TMEM19: variants seen among roughly 807,000 people sequenced by gnomAD.
The protein encoded by TMEM19 is transmembrane protein 19.
A neutral mutation model predicts 33.6 loss-of-function variants in TMEM19; 21 were observed. That is an observed-to-expected ratio of 0.62 (90% CI 0.44 to 0.90). TMEM19 has a LOEUF of 0.90. Ranked by LOEUF, TMEM19 falls within the 40% of genes least tolerant of loss-of-function variation. TMEM19 has a pLI of 0.00. For missense variants in TMEM19, 402 were observed against 401.8 expected, an observed-to-expected ratio of 1.00 and a Z score of 0.00; for synonymous variants, 149 against 147.5, an observed-to-expected ratio of 1.01 and a Z score of -0.07.
chr12:71,695,573 A>G (rs769498268), intron 2 of TMEM19, among the ~76,000 whole-genome samples: 1 of 152,178 alleles, frequency 6.6e-6, no homozygotes, highest in Non-Finnish European at 1.5e-5. Flanking sequence ...TATCATTATT[A>G]TTGTTGAGCT....
At chr12:71,698,054 T>A (rs1881906151) in intron 4 of TMEM19, among the ~76,000 whole-genome samples, 1 of 152,218 alleles carries the variant, frequency 6.6e-6, no homozygotes, top group African/African-American at 2.4e-5. Context: ...CTGTTAAGTC[T>A]ATATAATGCA....
chr12:71,695,617 CATG>C (rs1419389790), intron 2 of TMEM19, among the ~76,000 whole-genome samples: 1 of 152,032 alleles, frequency 6.6e-6, no homozygotes, highest in Admixed American at 6.5e-5. Flanking sequence ...TATTAGTATC[CATG>C]ATATTAGGTA....
chr12:71,692,678 A>G (rs528547291), intron 2 of TMEM19, among the ~76,000 whole-genome samples: 1 of 152,284 alleles, frequency 6.6e-6, no homozygotes, highest in East Asian at 1.9e-4. Flanking sequence ...TCCTAGTGCT[A>G]TAACATGCCA....
intron 2 of TMEM19, among the ~76,000 whole-genome samples, chr12:71,691,543 A>G (rs893190540): frequency 2.7e-5 from 4 of 145,936 alleles, no homozygotes; most frequent in Non-Finnish European, 6.0e-5. Context: ...CCAAGGCAGA[A>G]GGATCACTCG....
chr12:71,693,388 T>C (rs568720790), intron 2 of TMEM19, among the ~76,000 whole-genome samples: 2 of 152,112 alleles, frequency 1.3e-5, no homozygotes, highest in Admixed American at 1.3e-4. Flanking sequence ...ACTTTTTGTT[T>C]CCTTAAGGAT....
chr12:71,693,496 T>C (rs1455599479), intron 2 of TMEM19, among the ~76,000 whole-genome samples: 1 of 152,216 alleles, frequency 6.6e-6, no homozygotes, highest in African/African-American at 2.4e-5. Context: ...GTGTTGTACT[T>C]GTCCTGTCTA....
In TMEM19 at chr12:71,700,941, T is replaced by C. The variant is rs1282689645; in HGVS notation, c.957T>C (p.Val319=). ...ACGCAGTGAATCTGTTTTCTTCTGT[T>C]CTTATTGCCCTCTTGCTCCCAACTG... is the stretch of plus-strand genomic sequence containing the variant. ...DNNAVNLFSS[V]LIALLLPTAA... The change falls in exon 6 of 6, where the codon GTT becomes GTC. Residue 319 remains valine, a synonymous_variant. Coordinates refer to ENST00000266673, the MANE Select transcript of TMEM19 (RefSeq NM_018279.4). 5.6e-6 allele frequency: 9 copies of C among 1,613,532 alleles called. No individual in the cohort carries two copies. The highest frequency in any genetic ancestry group is 6.8e-6 in the Non-Finnish European group (8 of 1,179,802).
In TMEM19 at chr12:71,705,004, A is replaced by C. The variant is rs370805310; in HGVS notation, c.*4009A>C. The C allele has an allele frequency of 6.0e-4, 91 of 152,348 alleles. No individual in the cohort carries two copies. The highest frequency in any genetic ancestry group is 1.7e-3 in the African/African-American group (72 of 41,588). 9.4% of individuals were successfully genotyped at this position (152,348 alleles called of 1,614,324 possible). ...CTTTTAAGAATGACTGGAAGGTGAT[A>C]ATCAGCACCATATTCCTGGAGGAAA... is the stretch of plus-strand genomic sequence containing the variant. On this transcript the variant is annotated 3_prime_UTR_variant, in exon 6 of 6. Transcript: ENST00000266673.
At position 71,703,833 on chromosome 12, in the gene TMEM19, A is replaced by T. The variant is rs1374157343; in HGVS notation, c.*2838A>T. 3.9e-6 allele frequency: 1 copy of T among 257,494 alleles called. No homozygotes were observed. The highest frequency in any genetic ancestry group is 2.2e-5 in the African/African-American group (1 of 44,578). 16.0% of individuals were successfully genotyped at this position (257,494 alleles called of 1,614,324 possible). The stretch of plus-strand genomic sequence containing the variant: ...AAGCTTTGTAAATAAACTGGTTTTC[A>T]TAGCTTTTTGGAGATGAGAATTGAG... On this transcript the variant is annotated 3_prime_UTR_variant, in exon 6 of 6. Transcript: ENST00000266673.
chr12:71,704,163 C>A lies in TMEM19; in HGVS notation c.*3168C>A. The A allele has an allele frequency of 4.4e-6, 1 of 227,250 alleles. No homozygotes were observed. Among genetic ancestry groups the A allele is most frequent in the Non-Finnish European group, 9.4e-6 (1 of 106,006 alleles). 14.1% of individuals were successfully genotyped at this position (227,250 alleles called of 1,614,324 possible). ...ACTTGCAGGAGTAGCATGTTGAAAA[C>A]TCATTAAATGGAGCCACCAAGAGAC... On this transcript the variant is annotated 3_prime_UTR_variant, in exon 6 of 6. Coordinates refer to ENST00000266673, the MANE Select transcript of TMEM19 (RefSeq NM_018279.4).
intron 4 of TMEM19, 28 bp from the exon 5 acceptor site, chr12:71,698,872 G>A (rs749524172): frequency 5.6e-6 from 9 of 1,607,582 alleles, no homozygotes; most frequent in Non-Finnish European, 1.7e-6. Context: ...TTATTAACCG[G>A]ATGATTTTCT....
In TMEM19 at chr12:71,698,920, G is replaced by C; in HGVS notation, c.658G>C (p.Val220Leu). Residue 220 changes from valine (V) to leucine (L), a missense_variant, in exon 5 of 6, where the codon GTG (valine) becomes CTG (leucine). Transcript: ENST00000266673. ...TTCAGGTACCAATGGAGGAGTTACAGTGGTGGGCCTTGTCTCCAGTCTCCT... is the reference window on the plus strand; with the variant it reads ...TTCAGGTACCAATGGAGGAGTTACACTGGTGGGCCTTGTCTCCAGTCTCCT... ...VPVGTNGGVT[V>L]VGLVSSLLGG... is the part of the protein sequence containing the mutation. 1 of 1,614,182 alleles carries C rather than the reference G, an allele frequency of 6.2e-7. No individual in the cohort carries two copies. Among genetic ancestry groups the C allele is most frequent in the Non-Finnish European group, 8.5e-7 (1 of 1,180,028 alleles).
intron 2 of TMEM19, among the ~76,000 whole-genome samples, chr12:71,692,195 C>T (rs1881797418): frequency 6.6e-6 from 1 of 152,204 alleles, no homozygotes; most frequent in South Asian, 2.1e-4. Context: ...TATTTTTATA[C>T]GTGAATGACT....
At chr12:71,694,376 T>C (rs527628867) in intron 2 of TMEM19, among the ~76,000 whole-genome samples, 1 of 152,312 alleles carries the variant, frequency 6.6e-6, no homozygotes, top group South Asian at 2.1e-4. Flanking sequence ...CTGACCTCTT[T>C]TTGGTCACTA....
rs776229168 is a variant in TMEM19 at position 71,696,514 on chromosome 12, C to G, written c.323C>G (p.Ser108Trp). ...TSLLMFFLSSSKLTKWKGEVK... is the reference protein window; with the variant it reads ...TSLLMFFLSSWKLTKWKGEVK... ...TTGCTGATGTTTTTCTTGTCTTCTT[C>G]GAAACTCACTAAATGGAAGGGAGAA... Residue 108 changes from serine to tryptophan, a missense_variant, in exon 3 of 6, where the codon TCG becomes TGG. Ser to Trp is a radical substitution (Grantham distance 177). Coordinates refer to ENST00000266673, the MANE Select transcript of TMEM19 (RefSeq NM_018279.4). 3 of 1,611,892 alleles carry G rather than the reference C, an allele frequency of 1.9e-6. No individual in the cohort carries two copies. Among genetic ancestry groups the G allele is most frequent in the Non-Finnish European group, 1.7e-6 (2 of 1,178,938 alleles).
intron 4 of TMEM19, among the ~76,000 whole-genome samples, chr12:71,698,405 A>G (rs1348147499): frequency 1.3e-5 from 2 of 152,214 alleles, no homozygotes; most frequent in Non-Finnish European, 2.9e-5. Flanking sequence ...CTAAAGCACA[A>G]AGAAGTTAGA....
At chr12:71,695,103 A>G (rs929331569) in intron 2 of TMEM19, among the ~76,000 whole-genome samples, 18 of 152,170 alleles carry the variant, frequency 1.2e-4, no homozygotes, top group African/African-American at 4.3e-4. Context: ...CAGGATGGAG[A>G]GGTAGAAAAG....
intron 2 of TMEM19, among the ~76,000 whole-genome samples, chr12:71,695,987 A>G (rs1881863989): frequency 6.6e-6 from 1 of 152,188 alleles, no homozygotes; most frequent in Non-Finnish European, 1.5e-5. Flanking sequence ...TGGTTATGAT[A>G]TCTGAACTTT....
At position 71,703,034 on chromosome 12, in the gene TMEM19, A is replaced by T. The variant is rs1262680651; in HGVS notation, c.*2039A>T. Reference sequence around the variant, plus strand: ...GTCTCTACTAAAAATACAAAAAATTAGGTGTGGTGGTGCGTGCCTGTATTC... The same window carrying T: ...GTCTCTACTAAAAATACAAAAAATTTGGTGTGGTGGTGCGTGCCTGTATTC... On this transcript the variant is annotated 3_prime_UTR_variant, in exon 6 of 6. Transcript: ENST00000266673. 6.6e-6 allele frequency: 1 copy of T among 151,494 alleles called. No individual in the cohort carries two copies. The highest frequency in any genetic ancestry group is 2.4e-5 in the African/African-American group (1 of 41,268). 9.4% of individuals were successfully genotyped at this position (151,494 alleles called of 1,614,324 possible). A position where few individuals can be genotyped will look rare whatever the true frequency, so the allele number is the denominator to read the frequency against.
Sources: allele counts gnomAD v4.1 joint callset (sites outside exome capture counted in the v4.1 genomes callset), GRCh38; gene constraint gnomAD v4.1.1; transcripts MANE v1.5; gene names NCBI Gene and HGNC (gene_info 2026-07-23, HGNC 2026-07-21).